CCDC63: variants seen among roughly 807,000 people sequenced by gnomAD.
CCDC63 encodes the protein coiled-coil domain-containing protein 63.
In CCDC63, 54 loss-of-function variants were observed where a neutral mutation model predicts 63.6. The ratio of observed to expected loss-of-function variants is 0.85; its 90% CI spans 0.68 to 1.07. The LOEUF is 1.07. Among genes scored for constraint, CCDC63 ranks in the 50% least tolerant of loss-of-function variants. The probability of loss-of-function intolerance (pLI) is 0.00; values close to 1 mark genes in which losing one functional copy is unlikely to be tolerated. For missense variants in CCDC63, 637 were observed against 689.6 expected (o/e 0.92, Z 0.86); for synonymous variants, 253 against 266.1 (o/e 0.95, Z 0.48).
At chr12:110,896,250 C>A (rs1004204411) in intron 9 of CCDC63, among the ~76,000 whole-genome samples, 3 of 152,180 alleles carry the variant, frequency 2.0e-5, no homozygotes, top group African/African-American at 4.8e-5. Flanking sequence ...AAGTGACTCT[C>A]CCACCTTAGC....
chr12:110,892,385 G>A (rs953994727), intron 8 of CCDC63, among the ~76,000 whole-genome samples: 5 of 151,692 alleles, frequency 3.3e-5, no homozygotes, highest in Non-Finnish European at 7.4e-5. Flanking sequence ...AGACCAGCCC[G>A]GGCAACATAG....
At chr12:110,866,212 A>G (rs1202287440) in intron 4 of CCDC63, among the ~76,000 whole-genome samples, 1 of 151,874 alleles carries the variant, frequency 6.6e-6, no homozygotes, top group Non-Finnish European at 1.5e-5. Flanking sequence ...GTCTGACCTC[A>G]GGTGATCCAC....
intron 4 of CCDC63, among the ~76,000 whole-genome samples, chr12:110,872,304 G>A (rs2071077693): frequency 6.6e-6 from 1 of 152,192 alleles, no homozygotes; most frequent in African/African-American, 2.4e-5. Flanking sequence ...AACAGGTAGT[G>A]GGCCAGATTT....
chr12:110,880,183 T>C lies in CCDC63; in HGVS notation c.671+96T>C, dbSNP rs1175168909. On this transcript the variant is annotated intron_variant, in intron 6 of 11. Coordinates refer to ENST00000308208, the MANE Select transcript of CCDC63 (RefSeq NM_152591.3). ...GGGCCACCACTGTCCCTGGTCGTTA[T>C]GTGTTGGGGAATCTTAAATCATAGT... The C allele has an allele frequency of 1.6e-5, 17 of 1,055,868 alleles. No individual in the cohort carries two copies. In the East Asian group the frequency reaches 3.6e-4, roughly 22 times the overall value. 65.4% of individuals were successfully genotyped at this position (1,055,868 alleles called of 1,614,324 possible). A position where few individuals can be genotyped will look rare whatever the true frequency, so the allele number is the denominator to read the frequency against.
intron 9 of CCDC63, among the ~76,000 whole-genome samples, chr12:110,895,680 A>G (rs959396644): frequency 1.3e-5 from 2 of 152,200 alleles, no homozygotes; most frequent in African/African-American, 2.4e-5. Flanking sequence ...CAGTTTCCAC[A>G]TCTGTAAAAT....
chr12:110,898,617 C>CAAAAA (rs34918640), intron 9 of CCDC63, among the ~76,000 whole-genome samples: 60 of 79,940 alleles, frequency 7.5e-4, no homozygotes, highest in African/African-American at 2.2e-3. Flanking sequence ...GACTCTGTCT[C>CAAAAA]AAAAAAAAAA....
intron 9 of CCDC63, among the ~76,000 whole-genome samples, chr12:110,896,095 C>T (rs529644564): frequency 6.6e-6 from 1 of 152,240 alleles, no homozygotes; most frequent in East Asian, 1.9e-4. Context: ...AAAAATGAAT[C>T]CTGTGATTTT....
intron 10 of CCDC63, among the ~76,000 whole-genome samples, chr12:110,901,809 T>G (rs2136747172): frequency 6.6e-6 from 1 of 152,078 alleles, no homozygotes; most frequent in African/African-American, 2.4e-5. Context: ...CACATTTTCT[T>G]TCTCCTTCCT....
At chr12:110,895,779 C>T (rs2071409394) in intron 9 of CCDC63, among the ~76,000 whole-genome samples, 1 of 152,208 alleles carries the variant, frequency 6.6e-6, no homozygotes, top group South Asian at 2.1e-4. Context: ...ATGCAGAGAG[C>T]TGTACATTGT....
At chr12:110,894,769 T>A (rs902073267) in intron 9 of CCDC63, among the ~76,000 whole-genome samples, 8 of 152,164 alleles carry the variant, frequency 5.3e-5, no homozygotes, top group Non-Finnish European at 1.0e-4. Flanking sequence ...ATCTTGGCGT[T>A]TGGAACAGGC....
intron 4 of CCDC63, among the ~76,000 whole-genome samples, chr12:110,871,818 C>G (rs143435787): frequency 2.1e-4 from 32 of 152,280 alleles, no homozygotes; most frequent in Middle Eastern, 3.4e-3. Flanking sequence ...ATCCTGATCT[C>G]CAGCATCATA....
chr12:110,864,268 G>A (rs2283352), intron 4 of CCDC63, among the ~76,000 whole-genome samples: 10,075 of 152,200 alleles, frequency 0.066, 383 homozygotes, highest in East Asian at 0.15. Context: ...CTCTTAGTCC[G>A]TGGAGCTTAA....
At chr12:110,888,295 C>T (rs1443413446) in intron 8 of CCDC63, among the ~76,000 whole-genome samples, 1 of 152,196 alleles carries the variant, frequency 6.6e-6, no homozygotes, top group Admixed American at 6.5e-5. Context: ...CGAGGGAGGA[C>T]AAGCCCTAGC....
upstream of CCDC63, among the ~76,000 whole-genome samples, chr12:110,844,955 A>G (rs1216273717): frequency 6.6e-6 from 1 of 151,998 alleles, no homozygotes; most frequent in East Asian, 1.9e-4. Context: ...CTTGGCTCTA[A>G]TTTCCTCCTG....
upstream of CCDC63, among the ~76,000 whole-genome samples, chr12:110,846,366 C>A (rs2070637048): frequency 1.3e-5 from 2 of 152,136 alleles, no homozygotes; most frequent in South Asian, 4.1e-4. Context: ...TATCTTTAAA[C>A]CACTAAACTC....
At chr12:110,888,845 CCT>C (rs2071320921) in intron 8 of CCDC63, among the ~76,000 whole-genome samples, 4 of 112,394 alleles carry the variant, frequency 3.6e-5, no homozygotes, top group African/African-American at 1.5e-4. Context: ...TTCCTTCCTT[CCT>C]TCCTTCCTTC....
chr12:110,861,637 T>C (rs1192091972), intron 4 of CCDC63, among the ~76,000 whole-genome samples: 1 of 151,888 alleles, frequency 6.6e-6, no homozygotes, highest in Non-Finnish European at 1.5e-5. Flanking sequence ...AGTGGTGCGA[T>C]CTCGGCTCAC....
At chr12:110,877,098 G>C (rs944205216) in intron 5 of CCDC63, among the ~76,000 whole-genome samples, 17 of 152,074 alleles carry the variant, frequency 1.1e-4, no homozygotes, top group African/African-American at 4.1e-4. Flanking sequence ...TATTAAAGTG[G>C]TTACAATAGT....
chr12:110,888,415 G>C (rs1223962472), intron 8 of CCDC63, among the ~76,000 whole-genome samples: 1 of 152,156 alleles, frequency 6.6e-6, no homozygotes, highest in Non-Finnish European at 1.5e-5. Context: ...CTTCCTTAGG[G>C]TCATGACAAA....
Sources: gnomAD v4.1 joint callset for allele counts (sites outside exome capture counted in the v4.1 genomes callset) on GRCh38, gnomAD v4.1.1 for gene constraint, MANE v1.5 for transcripts, NCBI Gene and HGNC (gene_info 2026-07-23, HGNC 2026-07-21) for gene names.